The following R3HDM2 variants were observed in gnomAD, a reference collection of about 807,000 sequenced individuals.
R3HDM2 encodes the protein R3H domain containing 2, also known as R3H domain-containing protein 2.
R3HDM2 carries 38 observed loss-of-function variants against 124.5 expected under a neutral mutation model. That is an observed-to-expected ratio of 0.31 (90% CI 0.24 to 0.40). The LOEUF is 0.40. Among genes scored for constraint, R3HDM2 ranks in the 10% least tolerant of loss-of-function variants. The probability of loss-of-function intolerance (pLI) is 1.00; values close to 1 mark genes in which losing one functional copy is unlikely to be tolerated. For missense variants in R3HDM2, 869 were observed against 1,236.9 expected (o/e 0.70, Z 4.46); for synonymous variants, 391 against 448.0 (o/e 0.87, Z 1.61).
At chr12:57,347,292 A>G (rs1485306139) in intron 2 of R3HDM2, among the ~76,000 whole-genome samples, 1 of 152,154 alleles carries the variant, frequency 6.6e-6, no homozygotes, top group South Asian at 2.1e-4. Context: ...ACATGTGTAC[A>G]TGTACCACAT....
chr12:57,305,171 C>G (rs992928886), intron 3 of R3HDM2, among the ~76,000 whole-genome samples: 1 of 152,046 alleles, frequency 6.6e-6, no homozygotes, highest in Non-Finnish European at 1.5e-5. Flanking sequence ...AGCAACAGAG[C>G]AAGGCTCCGT....
chr12:57,360,842 T>C (rs1593902557), intron 2 of R3HDM2, among the ~76,000 whole-genome samples: 1 of 149,908 alleles, frequency 6.7e-6, no homozygotes, highest in African/African-American at 2.5e-5. Context: ...GGTCATGAGG[T>C]CAGATCGAGA....
intron 2 of R3HDM2, among the ~76,000 whole-genome samples, chr12:57,365,880 G>A (rs1201744816): frequency 6.6e-6 from 1 of 151,284 alleles, no homozygotes; most frequent in African/African-American, 2.4e-5. Flanking sequence ...AGATGGCAGT[G>A]AGTGGAGACT....
chr12:57,371,198 C>G (rs2063340650), intron 2 of R3HDM2, among the ~76,000 whole-genome samples: 2 of 138,848 alleles, frequency 1.4e-5, no homozygotes, highest in Non-Finnish European at 3.0e-5. Context: ...AAATGATTAA[C>G]AGCTACCCTT....
intron 2 of R3HDM2, among the ~76,000 whole-genome samples, chr12:57,387,651 A>G (rs528907213): frequency 1.3e-4 from 20 of 152,360 alleles, no homozygotes; most frequent in African/African-American, 4.6e-4. Context: ...AGGGGTTCTG[A>G]TACCAGAAAG....
intron 4 of R3HDM2, among the ~76,000 whole-genome samples, chr12:57,302,792 A>C (rs1054661695): frequency 7.6e-6 from 1 of 130,794 alleles, no homozygotes; most frequent in African/African-American, 3.3e-5. Context: ...ACTCACAAGG[A>C]AAAAAAAAAA....
chr12:57,276,124 C>A (rs1052376018), intron 14 of R3HDM2, among the ~76,000 whole-genome samples: 2 of 149,002 alleles, frequency 1.3e-5, no homozygotes, highest in Admixed American at 6.8e-5. Context: ...GGCTGAGGCA[C>A]GAGAATGGCA....
chr12:57,272,568 G>A (rs1293892925), intron 14 of R3HDM2: 2 of 1,216,954 alleles, frequency 1.6e-6, no homozygotes, highest in African/African-American at 1.7e-5. Flanking sequence ...TGGGCCAGCA[G>A]AGAGGCATGT....
chr12:57,401,422 A>G (rs2068040313), intron 1 of R3HDM2, among the ~76,000 whole-genome samples: 1 of 152,192 alleles, frequency 6.6e-6, no homozygotes, highest in African/African-American at 2.4e-5. Flanking sequence ...TAGACATGTG[A>G]ATGAGGCTAT....
In R3HDM2 at chr12:57,256,025, T is replaced by C; in HGVS notation, c.2597A>G (p.Lys866Arg). The C allele has an allele frequency of 6.2e-7, 1 of 1,614,042 alleles. No homozygotes were observed. The highest frequency in any genetic ancestry group is 8.5e-7 in the Non-Finnish European group (1 of 1,179,978). The change falls in exon 23 of 24, where the codon AAA (lysine) becomes AGA (arginine). Residue 866 changes from lysine to arginine, a missense_variant. Around this residue, in one of 2 missense-constraint regions of R3HDM2, gnomAD observed 602 missense variants for 789.2 expected, o/e 0.76. Transcript: ENST00000402412. The stretch of plus-strand genomic sequence containing the variant: ...TGTCCCCAGGTCAGTGGAGGCAGAT[T>C]TGAGTGCTTGTCTCTTGCCCCGGTT... ...HGNRGKRQAL[K>R]SASTDLGTAD...
At chr12:57,349,249 A>G (rs2060399574) in intron 2 of R3HDM2, among the ~76,000 whole-genome samples, 1 of 151,240 alleles carries the variant, frequency 6.6e-6, no homozygotes, top group Non-Finnish European at 1.5e-5. Context: ...GCGTGGTGGC[A>G]GGTGCCTGTA....
At chr12:57,354,333 A>T (rs2061015780) in intron 2 of R3HDM2, among the ~76,000 whole-genome samples, 1 of 152,030 alleles carries the variant, frequency 6.6e-6, no homozygotes, top group Non-Finnish European at 1.5e-5. Flanking sequence ...TGACTCTGTC[A>T]CGCAGGCTCG....
At chr12:57,399,810 T>C (rs2067888843) in intron 1 of R3HDM2, among the ~76,000 whole-genome samples, 1 of 152,120 alleles carries the variant, frequency 6.6e-6, no homozygotes, top group South Asian at 2.1e-4. Context: ...GTAAGCTAAA[T>C]CTTGAACAAT....
At chr12:57,268,024 C>T (rs2042853234) in intron 18 of R3HDM2, among the ~76,000 whole-genome samples, 1 of 152,300 alleles carries the variant, frequency 6.6e-6, no homozygotes, top group Admixed American at 6.5e-5. Context: ...CAGTCTCTAT[C>T]CTCTAGTTCT....
intron 14 of R3HDM2, among the ~76,000 whole-genome samples, chr12:57,271,410 T>G (rs1346430687): frequency 2.6e-5 from 4 of 151,586 alleles, no homozygotes; most frequent in Non-Finnish European, 5.9e-5. Context: ...GTTAGCTTCC[T>G]TTTCCCTTCT....
intron 12 of R3HDM2, 58 bp downstream of exon 12, chr12:57,288,951 T>C (rs1466487694): frequency 8.4e-6 from 13 of 1,548,812 alleles, no homozygotes; most frequent in Non-Finnish European, 1.0e-5. Context: ...TACAGGATTA[T>C]ATTAACCTCA....
chr12:57,284,908 A>G (rs2046987379), intron 12 of R3HDM2, among the ~76,000 whole-genome samples: 1 of 152,220 alleles, frequency 6.6e-6, no homozygotes, highest in Non-Finnish European at 1.5e-5. Flanking sequence ...TATGATTATT[A>G]ACAGCTGTAT....
chr12:57,382,435 C>A (rs527276452), intron 2 of R3HDM2, among the ~76,000 whole-genome samples: 1 of 149,566 alleles, frequency 6.7e-6, no homozygotes, highest in East Asian at 2.0e-4. Context: ...TTAGTATAGA[C>A]AGGGTTTCAC....
chr12:57,396,888 T>C lies in R3HDM2; in HGVS notation c.-105-1070A>G, dbSNP rs534113637. Reference sequence around the variant, plus strand: ...AGGTGGATCACCTACTGTTAAAAGTTCGAGATCAGCCTGGCCAATATGGTG... The same window carrying C: ...AGGTGGATCACCTACTGTTAAAAGTCCGAGATCAGCCTGGCCAATATGGTG... On this transcript the variant is annotated intron_variant, in intron 1 of 23. Transcript: ENST00000402412. Among the ~76,000 whole-genome samples the C allele has an allele frequency of 7.0e-4, 107 of 152,172 alleles. No individual in the cohort carries two copies. In the Middle Eastern group the frequency reaches 0.01, roughly 15 times the overall value.
Sources: allele counts gnomAD v4.1 joint callset (sites outside exome capture counted in the v4.1 genomes callset), GRCh38; gene constraint gnomAD v4.1.1; regional missense constraint gnomAD v4.1.1; transcripts MANE v1.5; gene names NCBI Gene and HGNC (gene_info 2026-07-23, HGNC 2026-07-21).